TRPC5: variants seen among roughly 807,000 people sequenced by gnomAD.
TRPC5 encodes short transient receptor potential channel 5.
Under a neutral mutation model 56.5 loss-of-function variants are expected in TRPC5, and 9 were observed. The ratio of observed to expected loss-of-function variants is 0.16; its 90% confidence interval spans 0.10 to 0.28. The LOEUF is 0.28. Among genes scored for constraint, TRPC5 ranks in the 10% least tolerant of loss-of-function variants. The pLI is 1.00. For synonymous variants in TRPC5, 282 were observed against 278.5 expected, an observed-to-expected ratio of 1.01 and a Z score of -0.13; for missense variants, 469 against 748.9, an observed-to-expected ratio of 0.63 and a Z score of 4.36.
intron 2 of TRPC5, among the ~76,000 whole-genome samples, chrX:111,950,305 A>G (rs770836620): frequency 1.8e-5 from 2 of 108,435 alleles, no homozygotes; most frequent in Admixed American, 2.0e-4. Flanking sequence ...AGCCTGGGTG[A>G]CAGAGTGAGA....
chrX:112,026,359 C>A (rs890359606), intron 1 of TRPC5, among the ~76,000 whole-genome samples: 1 of 112,221 alleles, frequency 8.9e-6, no homozygotes, highest in Non-Finnish European at 1.9e-5. Context: ...ATTGCTGGAC[C>A]CTTTCAGGGC....
intron 7 of TRPC5, among the ~76,000 whole-genome samples, chrX:111,790,056 T>C (rs962036146): frequency 1.8e-5 from 2 of 112,179 alleles, no homozygotes; most frequent in Non-Finnish European, 3.8e-5. Context: ...ATCCCACTAC[T>C]GGGTATATAC....
chrX:111,981,653 T>C (rs767982950), intron 1 of TRPC5, among the ~76,000 whole-genome samples: 2 of 111,844 alleles, frequency 1.8e-5, no homozygotes, highest in Admixed American at 1.9e-4. Context: ...GCAACTGTCC[T>C]GTGTACAACT....
At chrX:111,932,589 A>G (rs1364743798) in intron 2 of TRPC5, among the ~76,000 whole-genome samples, 1 of 110,971 alleles carries the variant, frequency 9.0e-6, no homozygotes, top group East Asian at 2.8e-4. Flanking sequence ...CTTTCCTTTC[A>G]CCATACTCTA....
intron 2 of TRPC5, among the ~76,000 whole-genome samples, chrX:111,935,737 C>T (rs1017627959): frequency 4.5e-5 from 5 of 111,970 alleles, no homozygotes; most frequent in Admixed American, 2.8e-4. Context: ...GTCCTTTCCC[C>T]AGTGTATGTT....
chrX:111,901,782 A>G, intron 3 of TRPC5: 1 of 900,053 alleles, frequency 1.1e-6, no homozygotes, highest in South Asian at 2.7e-5. Flanking sequence ...TATACTATCC[A>G]TTGTCACCAA....
rs773515403 is a variant in TRPC5 at position 111,865,260 on chromosome X, A to G, written c.901-11154T>C. Among the ~76,000 whole-genome samples the G allele has an allele frequency of 1.4e-3, 152 of 109,367 alleles. 1 individual carries two copies. The highest frequency in any genetic ancestry group is 4.9e-3 in the African/African-American group (148 of 30,011). 95.0% of individuals were successfully genotyped at this position (109,367 alleles called of 115,157 possible). On this transcript the variant is annotated intron_variant, in intron 3 of 10. Transcript: ENST00000262839. ...GGTCTTGAACTCCTGGGCTCAAGCA[A>G]TCCATTCACCTAGATCTCCCAAAGT...
At chrX:112,056,110 G>T (rs1423800163) in intron 1 of TRPC5, among the ~76,000 whole-genome samples, 3 of 111,676 alleles carry the variant, frequency 2.7e-5, no homozygotes, top group African/African-American at 9.8e-5. Context: ...GTAGAGAAAG[G>T]CACATCTTCC....
In TRPC5 at chrX:111,769,655, A is replaced by G. The variant is rs1279180996; in HGVS notation, c.*6658T>C. On this transcript the variant is annotated 3_prime_UTR_variant, in exon 11 of 11. Coordinates refer to ENST00000262839, the MANE Select transcript of TRPC5 (RefSeq NM_012471.3). ...TAAAGTTAATTAGGGGAAAAAAACT[A>G]GATTCCCAAGAACAGTTCCAGGTCC... Among the ~76,000 whole-genome samples the G allele has an allele frequency of 8.9e-6, 1 of 112,042 alleles. No individual in the cohort carries two copies. The highest frequency in any genetic ancestry group is 1.9e-5 in the Non-Finnish European group (1 of 53,156).
intron 5 of TRPC5, among the ~76,000 whole-genome samples, chrX:111,848,003 C>A (rs951034549): frequency 9.0e-6 from 1 of 111,576 alleles, no homozygotes; most frequent in East Asian, 2.8e-4. Context: ...GGGAGCCATT[C>A]ACTGGAGCTT....
intron 2 of TRPC5, among the ~76,000 whole-genome samples, chrX:111,951,598 C>T (rs1405711533): frequency 9.0e-6 from 1 of 111,657 alleles, no homozygotes; most frequent in Non-Finnish European, 1.9e-5. Context: ...TAAGCATCTG[C>T]ACCATGGCAC....
intron 3 of TRPC5, among the ~76,000 whole-genome samples, chrX:111,894,747 A>G (rs1924976203): frequency 9.0e-6 from 1 of 111,723 alleles, no homozygotes; most frequent in Non-Finnish European, 1.9e-5. Context: ...TTTTTGAGGT[A>G]TGGCATGCAT....
chrX:111,894,096 G>A (rs1382510127), intron 3 of TRPC5, among the ~76,000 whole-genome samples: 3 of 111,544 alleles, frequency 2.7e-5, no homozygotes, highest in Non-Finnish European at 5.6e-5. Flanking sequence ...AAATTTTCCT[G>A]TTTGTAAATA....
intron 2 of TRPC5, among the ~76,000 whole-genome samples, chrX:111,932,025 A>C (rs953989117): frequency 2.0e-4 from 22 of 111,860 alleles, no homozygotes; most frequent in African/African-American, 6.8e-4. Flanking sequence ...AAAATAAATC[A>C]TGGGCCTTTG....
intron 8 of TRPC5, among the ~76,000 whole-genome samples, chrX:111,781,461 C>T (rs768962607): frequency 1.8e-5 from 2 of 111,984 alleles, no homozygotes; most frequent in South Asian, 3.8e-4. Flanking sequence ...TGCGGTGGCT[C>T]ATGCCTGCAA....
At chrX:111,820,043 T>G (rs1921984305) in intron 7 of TRPC5, among the ~76,000 whole-genome samples, 1 of 112,294 alleles carries the variant, frequency 8.9e-6, no homozygotes, top group Non-Finnish European at 1.9e-5. Flanking sequence ...AGCACTGTAT[T>G]GACTATAATT....
intron 7 of TRPC5, among the ~76,000 whole-genome samples, chrX:111,782,466 A>T (rs1008626720): frequency 9.0e-5 from 10 of 111,443 alleles, no homozygotes; most frequent in African/African-American, 2.9e-4. Flanking sequence ...AACTACTAAT[A>T]TATGGTAGAT....
chrX:111,902,703 A>C (rs1925409851), intron 3 of TRPC5: 1 of 112,472 alleles, frequency 8.9e-6, no homozygotes, highest in African/African-American at 3.2e-5. Context: ...CCGACAAAAA[A>C]TGCTATAGCA....
intron 1 of TRPC5, among the ~76,000 whole-genome samples, chrX:112,048,116 A>G (rs1339837525): frequency 8.9e-6 from 1 of 112,202 alleles, no homozygotes; most frequent in Non-Finnish European, 1.9e-5. Context: ...ATGCTCAGCA[A>G]TAGGTGTTTG....
Sources: gnomAD v4.1 joint callset for allele counts (sites outside exome capture counted in the v4.1 genomes callset) on GRCh38, gnomAD v4.1.1 for gene constraint, MANE v1.5 for transcripts, NCBI Gene and HGNC (gene_info 2026-07-23, HGNC 2026-07-21) for gene names.